Variants in NELL2 observed in about 807,000 individuals in gnomAD.
The protein encoded by NELL2 is protein kinase C-binding protein NELL2.
NELL2 carries 41 observed loss-of-function variants against 109.6 expected under a neutral mutation model. The ratio of observed to expected loss-of-function variants is 0.37; its 90% CI spans 0.29 to 0.49. The LOEUF (loss-of-function observed/expected upper bound fraction) is 0.49, where lower values mean the gene tolerates loss of function less well. NELL2 is among the 20% of genes least tolerant of loss of function. NELL2 has a pLI of 0.98. For synonymous variants in NELL2, 355 were observed against 344.7 expected, an observed-to-expected ratio of 1.03 and a Z score of -0.33; for missense variants, 900 against 1,008.3, an observed-to-expected ratio of 0.89 and a Z score of 1.45.
At chr12:44,765,331 G>T (rs1941285851) in intron 9 of NELL2, among the ~76,000 whole-genome samples, 1 of 152,124 alleles carries the variant, frequency 6.6e-6, no homozygotes, top group Admixed American at 6.5e-5. Context: ...ATAAGTGAGG[G>T]TCATTATGAA....
chr12:44,678,583 G>A (rs1392459566), intron 12 of NELL2, among the ~76,000 whole-genome samples: 1 of 152,008 alleles, frequency 6.6e-6, no homozygotes, highest in Non-Finnish European at 1.5e-5. Flanking sequence ...ATCTTAACCT[G>A]TCTTCCAGTC....
At chr12:44,522,674 T>C (rs1401010886) in intron 17 of NELL2, 2 of 153,028 alleles carry the variant, frequency 1.3e-5, no homozygotes, top group African/African-American at 4.8e-5. Flanking sequence ...CATAATATTA[T>C]TCATCTGAAA....
At chr12:44,842,795 A>G (rs1944266334) in intron 2 of NELL2, among the ~76,000 whole-genome samples, 1 of 152,128 alleles carries the variant, frequency 6.6e-6, no homozygotes, top group Admixed American at 6.5e-5. Context: ...CAAGAAGGCC[A>G]TATGAACAAA....
chr12:44,665,870 G>A (rs557351714), intron 12 of NELL2, among the ~76,000 whole-genome samples: 26 of 151,990 alleles, frequency 1.7e-4, no homozygotes, highest in African/African-American at 5.1e-4. Flanking sequence ...AATTTTCAGC[G>A]CATTCATCTG....
At chr12:44,812,802 G>A (rs959123293) in intron 3 of NELL2, among the ~76,000 whole-genome samples, 11 of 152,076 alleles carry the variant, frequency 7.2e-5, no homozygotes, top group Admixed American at 2.0e-4. Flanking sequence ...TCAGTAACTA[G>A]CTAAATGATG....
At chr12:44,677,887 T>C (rs1409711548) in intron 12 of NELL2, among the ~76,000 whole-genome samples, 3 of 150,936 alleles carry the variant, frequency 2.0e-5, no homozygotes, top group Non-Finnish European at 3.0e-5. Context: ...TTTAAACAGG[T>C]TGAATTTGAG....
At chr12:44,885,760 T>A (rs1172188162) in intron 1 of NELL2, among the ~76,000 whole-genome samples, 2 of 151,876 alleles carry the variant, frequency 1.3e-5, no homozygotes, top group Non-Finnish European at 2.9e-5. Flanking sequence ...CAGGCTATTT[T>A]GTAGCAATTA....
Position 44,897,064 on chromosome 12 carries a change from G to T in NELL2, c.38+16735C>A, listed in dbSNP as rs563559402. Among the ~76,000 whole-genome samples the T allele has an allele frequency of 7.9e-5, 12 of 152,158 alleles. No homozygotes were observed. The South Asian group carries it at 2.5e-3, about 32-fold the overall frequency. On this transcript the variant is annotated intron_variant, in intron 1 of 20. Coordinates refer to the NELL2 transcript ENST00000333837. ...ACTATTGACATGTTTTCATTAAAAG[G>T]CCCTCTATACAGTTCTGGTAAGAGC...
At chr12:44,627,278 T>C (rs905043923) in intron 13 of NELL2, among the ~76,000 whole-genome samples, 1 of 152,196 alleles carries the variant, frequency 6.6e-6, no homozygotes, top group African/African-American at 2.4e-5. Context: ...TATTACTTAG[T>C]GTAATTCAAG....
chr12:44,540,114 G>T (rs1283027659), intron 15 of NELL2, among the ~76,000 whole-genome samples: 1 of 152,132 alleles, frequency 6.6e-6, no homozygotes, highest in Non-Finnish European at 1.5e-5. Flanking sequence ...TTATATACCT[G>T]TTTAATTATA....
At chr12:44,750,015 G>A (rs951733860) in intron 9 of NELL2, among the ~76,000 whole-genome samples, 2 of 152,056 alleles carry the variant, frequency 1.3e-5, no homozygotes, top group Admixed American at 6.5e-5. Context: ...TATATATCAA[G>A]ATATATAGAG....
chr12:44,538,894 A>T (rs1484653445), intron 15 of NELL2, among the ~76,000 whole-genome samples: 1 of 152,156 alleles, frequency 6.6e-6, no homozygotes, highest in African/African-American at 2.4e-5. Context: ...CTAGAGTCTT[A>T]GTATTTTATT....
At chr12:44,766,179 C>A (rs1187500372) in intron 9 of NELL2, among the ~76,000 whole-genome samples, 1 of 151,990 alleles carries the variant, frequency 6.6e-6, no homozygotes, top group Non-Finnish European at 1.5e-5. Flanking sequence ...GTCCCTTCCT[C>A]ATACTAAGCT....
intron 9 of NELL2, among the ~76,000 whole-genome samples, chr12:44,741,877 C>G (rs1202171616): frequency 2.0e-5 from 3 of 152,266 alleles, no homozygotes. Flanking sequence ...GGCTCCACCT[C>G]TGTGGGCAGG....
chr12:44,855,974 T>A (rs1486096777), intron 2 of NELL2, among the ~76,000 whole-genome samples: 1 of 152,218 alleles, frequency 6.6e-6, no homozygotes, highest in Non-Finnish European at 1.5e-5. Context: ...CAGCTTTCAT[T>A]AAAGTTACAT....
chr12:44,618,335 TTCTCC>T (rs1485213733), intron 13 of NELL2, among the ~76,000 whole-genome samples: 1 of 152,186 alleles, frequency 6.6e-6, no homozygotes, highest in African/African-American at 2.4e-5. Context: ...TCTGATTTTC[TTCTCC>T]TGACATGCTT....
intron 19 of NELL2, among the ~76,000 whole-genome samples, chr12:44,513,941 A>T (rs1428483532): frequency 6.8e-6 from 1 of 147,686 alleles, no homozygotes; most frequent in Non-Finnish European, 1.5e-5. Context: ...AACACCAAAG[A>T]AAATAAAGAC....
chr12:44,834,913 T>A (rs1286993568), intron 2 of NELL2, among the ~76,000 whole-genome samples: 2 of 152,016 alleles, frequency 1.3e-5, no homozygotes, highest in Admixed American at 1.3e-4. Flanking sequence ...AGGCTTTCTG[T>A]GCCCACTCCC....
At chr12:44,531,588 G>T (rs1210638886) in intron 16 of NELL2, among the ~76,000 whole-genome samples, 2 of 152,214 alleles carry the variant, frequency 1.3e-5, no homozygotes, top group Non-Finnish European at 2.9e-5. Context: ...TCTGCTGCCG[G>T]CAAAACAGGC....
Sources: gnomAD v4.1 joint callset for allele counts (sites outside exome capture counted in the v4.1 genomes callset) on GRCh38, gnomAD v4.1.1 for gene constraint, MANE v1.5 for transcripts, NCBI Gene and HGNC (gene_info 2026-07-23, HGNC 2026-07-21) for gene names.